Variants in SDK1 observed in about 807,000 individuals in gnomAD.
SDK1 encodes the protein sidekick cell adhesion molecule 1.
In SDK1, 157 loss-of-function variants were observed where a neutral mutation model predicts 245.5. The observed-to-expected ratio is 0.64, with a 90% confidence interval of 0.56 to 0.73. The LOEUF is 0.73. Ranked by LOEUF, SDK1 falls within the 30% of genes least tolerant of loss-of-function variation. The pLI is 0.00. For missense variants in SDK1, 3,583 were observed against 3,002.3 expected, an observed-to-expected ratio of 1.19 and a Z score of -4.52; for synonymous variants, 1,647 against 1,278.5, an observed-to-expected ratio of 1.29 and a Z score of -6.15.
chr7:3,497,057 C>T (rs78854667), intron 1 of SDK1, among the ~76,000 whole-genome samples: 2,237 of 152,224 alleles, frequency 0.015, 30 homozygotes, highest in Non-Finnish European at 0.024. Context: ...CTAATAAATA[C>T]GTGACAGTTA....
intron 14 of SDK1, among the ~76,000 whole-genome samples, chr7:3,989,810 C>CT (rs1784160950): frequency 6.6e-6 from 1 of 152,218 alleles, no homozygotes; most frequent in African/African-American, 2.4e-5. Flanking sequence ...TCGCCCTTCC[C>CT]TGGGGGTTCC....
At position 3,312,651 on chromosome 7, in the gene SDK1, A is replaced by T. The variant is rs147584512; in HGVS notation, c.298+10767A>T. Among the ~76,000 whole-genome samples, 289 of 152,280 alleles carry T rather than the reference A, an allele frequency of 1.9e-3. 1 individual carries two copies. Among genetic ancestry groups the T allele is most frequent in the African/African-American group, 6.6e-3 (274 of 41,564 alleles). On this transcript the variant is annotated intron_variant, in intron 1 of 44. Coordinates refer to ENST00000404826, the MANE Select transcript of SDK1 (RefSeq NM_152744.4). ...TTGAAGATAAAAACTGTATTGAAAA[A>T]TCAATAGATTTTTAAAGGAGATCTG...
At chr7:3,703,911 C>G (rs1784811718) in intron 4 of SDK1, among the ~76,000 whole-genome samples, 1 of 152,036 alleles carries the variant, frequency 6.6e-6, no homozygotes, top group Non-Finnish European at 1.5e-5. Flanking sequence ...TGTTTTTCAT[C>G]TTTTTATTTC....
At chr7:4,171,081 T>A (rs1781810069) in intron 32 of SDK1, among the ~76,000 whole-genome samples, 1 of 152,200 alleles carries the variant, frequency 6.6e-6, no homozygotes, top group African/African-American at 2.4e-5. Flanking sequence ...TGGATTTTAT[T>A]GTTTTCCTGG....
intron 19 of SDK1, among the ~76,000 whole-genome samples, chr7:4,060,733 T>C (rs993283693): frequency 6.6e-5 from 10 of 152,312 alleles, no homozygotes; most frequent in Non-Finnish European, 1.2e-4. Context: ...ATGTCCGGAA[T>C]GGTAATGCCT....
Position 4,241,777 on chromosome 7 carries a change from T to A in SDK1, c.6131-16T>A. 2.5e-6 allele frequency: 4 copies of A among 1,614,074 alleles called. No homozygotes were observed. The highest frequency in any genetic ancestry group is 3.4e-6 in the Non-Finnish European group (4 of 1,179,986). ...ACCAGTAACACGTCTGTTCTCACTC[T>A]CCTGCTGGGCTTTAGGAAAGGGGAT... is the stretch of plus-strand genomic sequence containing the variant. On this transcript the variant is annotated splice_polypyrimidine_tract_variant and intron_variant, in intron 42 of 44. Transcript: ENST00000404826.
intron 1 of SDK1, among the ~76,000 whole-genome samples, chr7:3,578,470 G>C (rs180691588): frequency 6.6e-6 from 1 of 151,980 alleles, no homozygotes; most frequent in African/African-American, 2.4e-5. Flanking sequence ...AACAGGATTC[G>C]AGAGCAGAAA....
At chr7:4,149,596 TG>T in intron 30 of SDK1, 133 bp downstream of exon 30, 3 of 556,732 alleles carry the variant, frequency 5.4e-6, no homozygotes, top group Non-Finnish European at 8.8e-6. Context: ...CCTTTCTTTT[TG>T]ACACTCCCCA....
At chr7:3,731,367 C>T (rs570705329) in intron 4 of SDK1, among the ~76,000 whole-genome samples, 15 of 152,288 alleles carry the variant, frequency 9.8e-5, no homozygotes, top group Admixed American at 3.3e-4. Context: ...GCCCCGGGAC[C>T]GTGCCCCGAG....
chr7:3,502,163 G>A (rs1009441740), intron 1 of SDK1, among the ~76,000 whole-genome samples: 5 of 151,572 alleles, frequency 3.3e-5, no homozygotes, highest in Admixed American at 3.3e-4. Context: ...ATTAATTGGG[G>A]CTTCTTCAAA....
chr7:3,524,464 T>C (rs531066686), intron 1 of SDK1, among the ~76,000 whole-genome samples: 1 of 152,132 alleles, frequency 6.6e-6, no homozygotes, highest in Admixed American at 6.5e-5. Context: ...GCAGGAAGTA[T>C]AGGATTGGGG....
chr7:3,940,678 G>A lies in SDK1; in HGVS notation c.848-10245G>A, dbSNP rs375423261. Among the ~76,000 whole-genome samples, 100 of 152,100 alleles carry A rather than the reference G, an allele frequency of 6.6e-4. 1 individual carries two copies. The highest frequency in any genetic ancestry group is 2.9e-3 in the South Asian group (14 of 4,804). On this transcript the variant is annotated intron_variant, in intron 5 of 44. Transcript: ENST00000404826. The stretch of plus-strand genomic sequence containing the variant: ...TCTACTAAAAATACAAAAAATAGCC[G>A]GGTGTCGTGGCAGGCGCCTGTAATC...
intron 1 of SDK1, among the ~76,000 whole-genome samples, chr7:3,377,528 T>G (rs1781383983): frequency 6.6e-6 from 1 of 152,058 alleles, no homozygotes; most frequent in Non-Finnish European, 1.5e-5. Context: ...GGTCAGGAGG[T>G]GCAGCAGTGT....
chr7:4,184,732 T>G (rs146068293), intron 35 of SDK1, among the ~76,000 whole-genome samples: 1 of 152,206 alleles, frequency 6.6e-6, no homozygotes, highest in Non-Finnish European at 1.5e-5. Flanking sequence ...CGGTAAGGAC[T>G]CCAGTGTGCA....
At chr7:4,227,347 C>T in intron 40 of SDK1, 1 of 470,174 alleles carries the variant, frequency 2.1e-6, no homozygotes, top group East Asian at 6.9e-5. Flanking sequence ...TGGGATCAGC[C>T]TGCAACACGG....
At chr7:3,769,037 A>G (rs371008774) in intron 4 of SDK1, among the ~76,000 whole-genome samples, 15 of 152,188 alleles carry the variant, frequency 9.9e-5, no homozygotes, top group African/African-American at 3.6e-4. Context: ...TTGGTGCCCT[A>G]AAACCTTTGT....
Position 3,606,160 on chromosome 7 carries a change from C to T in SDK1, c.299-12920C>T, listed in dbSNP as rs563029190. The stretch of plus-strand genomic sequence containing the variant: ...CTCCTTCCATCATGAGTTCCCATTT[C>T]GGGAAATGACAACTACATCTTTCTG... On this transcript the variant is annotated intron_variant, in intron 1 of 44. Transcript: ENST00000404826. Among the ~76,000 whole-genome samples the T allele has an allele frequency of 2.7e-4, 41 of 152,222 alleles. No individual in the cohort carries two copies. In the South Asian group the frequency reaches 2.7e-3, roughly 10 times the overall value.
intron 1 of SDK1, among the ~76,000 whole-genome samples, chr7:3,396,304 G>C (rs944760992): frequency 1.3e-5 from 2 of 151,524 alleles, no homozygotes; most frequent in African/African-American, 2.4e-5. Flanking sequence ...CTTTCTTTGT[G>C]GTCCAGCATA....
At chr7:4,193,024 A>C (rs895869252) in intron 35 of SDK1, among the ~76,000 whole-genome samples, 1 of 143,604 alleles carries the variant, frequency 7.0e-6, no homozygotes, top group Non-Finnish European at 1.5e-5. Flanking sequence ...AAAAATATAT[A>C]ATATAGATTA....
Sources: allele counts gnomAD v4.1 joint callset (sites outside exome capture counted in the v4.1 genomes callset), GRCh38; gene constraint gnomAD v4.1.1; transcripts MANE v1.5; gene names NCBI Gene and HGNC (gene_info 2026-07-23, HGNC 2026-07-21).